BRIP1: variants seen among roughly 807,000 people sequenced by gnomAD.
BRIP1 encodes the protein BRCA1 interacting DNA helicase 1, also known as Fanconi anemia group J protein.
Under a neutral mutation model 119.7 loss-of-function variants are expected in BRIP1, and 88 were observed. That is an observed-to-expected ratio of 0.74 (90% CI 0.62 to 0.88). The LOEUF (loss-of-function observed/expected upper bound fraction) is 0.88, where lower values mean the gene tolerates loss of function less well. Ranked by LOEUF, BRIP1 falls within the 40% of genes least tolerant of loss-of-function variation. The pLI is 0.00. For synonymous variants in BRIP1, 443 were observed against 496.5 expected, an observed-to-expected ratio of 0.89 and a Z score of 1.43; for missense variants, 1,259 against 1,455.4, an observed-to-expected ratio of 0.87 and a Z score of 2.20.
intron 3 of BRIP1, among the ~76,000 whole-genome samples, chr17:61,858,746 T>C (rs2078933390): frequency 6.6e-6 from 1 of 152,222 alleles, no homozygotes. Context: ...CATACATACA[T>C]ACATACACAT....
Position 61,823,757 on chromosome 17 carries a change from AACACACACAC to A in BRIP1, c.628-15010_628-15001del, listed in dbSNP as rs144749656. Among the ~76,000 whole-genome samples, 1,630 of 131,736 alleles carry A rather than the reference AACACACACAC, an allele frequency of 0.012. 35 individuals carry two copies. The highest frequency in any genetic ancestry group is 0.064 in the Admixed American group (800 of 12,552). The allele number at this position is 131,736 out of a possible 152,430, so 86.4% of individuals were successfully genotyped here. On this transcript the variant is annotated intron_variant, in intron 6 of 19. Coordinates refer to ENST00000259008, the MANE Select transcript of BRIP1 (RefSeq NM_032043.3). The surrounding 1 kb of genome is among the most constrained non-coding windows in gnomAD (Gnocchi z 4.8). Reference sequence around the variant, plus strand: ...GCTCAATGACCCCAAGCACACAATAAACACACACACACACACACACACACACACACACACA... The same window carrying A: ...GCTCAATGACCCCAAGCACACAATAAACACACACACACACACACACACACA...
At chr17:61,719,212 T>C (rs1017079812) in intron 16 of BRIP1, among the ~76,000 whole-genome samples, 1 of 143,684 alleles carries the variant, frequency 7.0e-6, no homozygotes, top group Non-Finnish European at 1.5e-5. Context: ...CTATTCTCAA[T>C]AACCAAGATA....
In BRIP1 at chr17:61,776,221, A is replaced by G; in HGVS notation, c.2097+180T>C. The G allele has an allele frequency of 3.0e-6, 2 of 675,294 alleles. No individual in the cohort carries two copies. Among genetic ancestry groups the G allele is most frequent in the Admixed American group, 5.8e-5 (2 of 34,594 alleles). The allele number at this position is 675,294 out of a possible 1,614,324, so 41.8% of individuals were successfully genotyped here. On this transcript the variant is annotated intron_variant, in intron 14 of 19. Transcript: ENST00000259008. The surrounding 1 kb of genome is among the most constrained non-coding windows in gnomAD (Gnocchi z 5.0). The stretch of plus-strand genomic sequence containing the variant: ...TTTTAAGTAAAACAGAGGTAGGACA[A>G]TCAGGCAGTATCTTAATCAAAAAAT...
intron 6 of BRIP1, among the ~76,000 whole-genome samples, chr17:61,829,940 CT>C (rs1170195613): frequency 7.4e-6 from 1 of 135,946 alleles, no homozygotes. Context: ...TTTTTTTTTT[CT>C]TTTTTTTTGA....
Position 61,834,299 on chromosome 17 carries a change from G to A in BRIP1, c.627+12802C>T, listed in dbSNP as rs2078537988. ...CATATATACTACATAACAAATATAT[G>A]TAATATATACTACAGTATCAACCCC... On this transcript the variant is annotated intron_variant, in intron 6 of 19. Coordinates refer to ENST00000259008, the MANE Select transcript of BRIP1 (RefSeq NM_032043.3). The surrounding 1 kb of genome is among the most constrained non-coding windows in gnomAD (Gnocchi z 4.4). Among the ~76,000 whole-genome samples the A allele has an allele frequency of 6.6e-6, 1 of 151,976 alleles. No individual in the cohort carries two copies.
chr17:61,799,240 G>GA lies in BRIP1; in HGVS notation c.1199_1200insT (p.Cys401LeufsTer21). 5 of 1,613,546 alleles carry GA rather than the reference G, an allele frequency of 3.1e-6. No homozygotes were observed. The highest frequency in any genetic ancestry group is 4.2e-6 in the Non-Finnish European group (5 of 1,179,646). ...TGTAACTTGCTGATTCCCGAGCACA[G>GA]TCCTCGATGTTATGAGCTTCATCTA... is the stretch of plus-strand genomic sequence containing the variant. On this transcript the variant is annotated frameshift_variant, in exon 9 of 20. Transcript: ENST00000259008. LOFTEE classifies it high-confidence loss of function. The surrounding 1 kb of genome is among the most constrained non-coding windows in gnomAD (Gnocchi z 5.1).
rs939764628 is a variant in BRIP1, at chr17:61,814,912, C to T, written c.628-6155G>A. Among the ~76,000 whole-genome samples the T allele has an allele frequency of 6.6e-6, 1 of 151,622 alleles. No homozygotes were observed. The highest frequency in any genetic ancestry group is 2.4e-5 in the African/African-American group (1 of 41,274). On this transcript the variant is annotated intron_variant, in intron 6 of 19. Transcript: ENST00000259008. This position sits in a 1 kb window ranked among gnomAD's most constrained non-coding sequence, Gnocchi z 4.9. The stretch of plus-strand genomic sequence containing the variant: ...GAATGACAGTTGTATGCATCGACAT[C>T]GATAAACATGAACAAGCAGTTGAAC...
At chr17:61,766,634 G>C (rs1423607014) in intron 14 of BRIP1, among the ~76,000 whole-genome samples, 3 of 152,114 alleles carry the variant, frequency 2.0e-5, no homozygotes, top group Admixed American at 6.6e-5. Context: ...ATTTAGTGCT[G>C]AACAATACTT....
Position 61,748,530 on chromosome 17 carries a change from C to A in BRIP1, c.2098-3939G>T, listed in dbSNP as rs1015990886. Among the ~76,000 whole-genome samples, 1 of 152,098 alleles carries A rather than the reference C, an allele frequency of 6.6e-6. No homozygotes were observed. The highest frequency in any genetic ancestry group is 1.5e-5 in the Non-Finnish European group (1 of 68,012). ...TAATCAAAACAATCTTGAGAAAGAACAACAAAGCTAGAGGCATCGTGCTTC... is the reference window on the plus strand; with the variant it reads ...TAATCAAAACAATCTTGAGAAAGAAAAACAAAGCTAGAGGCATCGTGCTTC... On this transcript the variant is annotated intron_variant, in intron 14 of 19. Transcript: ENST00000259008. The surrounding 1 kb of genome is among the most constrained non-coding windows in gnomAD (Gnocchi z 4.7).
chr17:61,756,332 G>A lies in BRIP1; in HGVS notation c.2098-11741C>T, dbSNP rs533031251. ...TAAAAACTAACTTAAAGGAAAGTAC[G>A]ATGACACAGAGCTGTCTCTCAGGTC... On this transcript the variant is annotated intron_variant, in intron 14 of 19. Coordinates refer to ENST00000259008, the MANE Select transcript of BRIP1 (RefSeq NM_032043.3). The surrounding 1 kb of genome is among the most constrained non-coding windows in gnomAD (Gnocchi z 4.3). 1.3e-5 allele frequency among the ~76,000 whole-genome samples: 2 copies of A among 152,218 alleles called. No individual in the cohort carries two copies. Among genetic ancestry groups the A allele is most frequent in the African/African-American group, 4.8e-5 (2 of 41,540 alleles).
intron 2 of BRIP1, 51 bp from the exon 3 acceptor site, chr17:61,859,958 G>T (rs753110491): frequency 1.4e-5 from 18 of 1,279,772 alleles, no homozygotes; most frequent in Non-Finnish European, 1.9e-5. Flanking sequence ...CTTTATAAAG[G>T]TCTCTCTCCA....
chr17:61,820,811 G>A (rs911596810), intron 6 of BRIP1, among the ~76,000 whole-genome samples: 1 of 152,020 alleles, frequency 6.6e-6, no homozygotes, highest in Non-Finnish European at 1.5e-5. Flanking sequence ...TTAGCCAGGC[G>A]TGGTGGCATG....
intron 6 of BRIP1, among the ~76,000 whole-genome samples, chr17:61,838,005 G>C (rs1330875664): frequency 6.6e-6 from 1 of 152,044 alleles, no homozygotes; most frequent in East Asian, 1.9e-4. Flanking sequence ...AACCTAAAAA[G>C]TTTAATGTCA....
At chr17:61,747,553 C>A (rs2077074550) in intron 14 of BRIP1, among the ~76,000 whole-genome samples, 1 of 151,636 alleles carries the variant, frequency 6.6e-6, no homozygotes, top group South Asian at 2.1e-4. Flanking sequence ...TAGTAATATA[C>A]AACCTACTAA....
rs907161963 is a variant in BRIP1 at position 61,735,755 on chromosome 17, C to A, written c.2379+7258G>T. 1.3e-5 allele frequency among the ~76,000 whole-genome samples: 2 copies of A among 151,586 alleles called. No individual in the cohort carries two copies. Among genetic ancestry groups the A allele is most frequent in the African/African-American group, 4.9e-5 (2 of 41,222 alleles). ...GGCCAAGGCTGCAGTGACCCATGAC[C>A]GCACCACTGCACTCTAGCCTGGGCA... On this transcript the variant is annotated intron_variant, in intron 16 of 19. Coordinates refer to ENST00000259008, the MANE Select transcript of BRIP1 (RefSeq NM_032043.3). This position sits in a 1 kb window ranked among gnomAD's most constrained non-coding sequence, Gnocchi z 4.4.
rs1173645408 is a variant in BRIP1 at position 61,705,610 on chromosome 17, T to C, written c.2492+10341A>G. On this transcript the variant is annotated intron_variant, in intron 17 of 19. Coordinates refer to ENST00000259008, the MANE Select transcript of BRIP1 (RefSeq NM_032043.3). The surrounding 1 kb of genome is among the most constrained non-coding windows in gnomAD (Gnocchi z 5.0). ...CCTGTTTGCCTCACATTTATTTAGC[T>C]CTTCTTTTTCTAGCTTCATAAGGTA... 6.6e-6 allele frequency among the ~76,000 whole-genome samples: 1 copy of C among 152,186 alleles called. No homozygotes were observed. Among genetic ancestry groups the C allele is most frequent in the Non-Finnish European group, 1.5e-5 (1 of 68,030 alleles).
chr17:61,744,679 A>G lies in BRIP1; in HGVS notation c.2098-88T>C, dbSNP rs900745598. 2.7e-5 allele frequency: 31 copies of G among 1,132,382 alleles called. No individual in the cohort carries two copies. The Admixed American group carries it at 4.6e-4, about 17-fold the overall frequency. The allele number at this position is 1,132,382 out of a possible 1,614,324, so 70.1% of individuals were successfully genotyped here. ...TGTTTAAGCCAATGTGACTACGGCAAGTATATTAATCTCTCTGTGTCTTTT... is the reference window on the plus strand; with the variant it reads ...TGTTTAAGCCAATGTGACTACGGCAGGTATATTAATCTCTCTGTGTCTTTT... On this transcript the variant is annotated intron_variant, in intron 14 of 19. Coordinates refer to ENST00000259008, the MANE Select transcript of BRIP1 (RefSeq NM_032043.3). The surrounding 1 kb of genome is among the most constrained non-coding windows in gnomAD (Gnocchi z 5.0).
chr17:61,837,411 G>A (rs1385281723), intron 6 of BRIP1, among the ~76,000 whole-genome samples: 2 of 152,142 alleles, frequency 1.3e-5, no homozygotes, highest in African/African-American at 2.4e-5. Flanking sequence ...GGTCAACAGC[G>A]CACTCTGCTG....
At position 61,757,191 on chromosome 17, in the gene BRIP1, C is replaced by T. The variant is rs2077211898; in HGVS notation, c.2098-12600G>A. Among the ~76,000 whole-genome samples, 1 of 152,106 alleles carries T rather than the reference C, an allele frequency of 6.6e-6. No individual in the cohort carries two copies. The highest frequency in any genetic ancestry group is 2.4e-5 in the African/African-American group (1 of 41,418). On this transcript the variant is annotated intron_variant, in intron 14 of 19. Coordinates refer to ENST00000259008, the MANE Select transcript of BRIP1 (RefSeq NM_032043.3). The surrounding 1 kb of genome is among the most constrained non-coding windows in gnomAD (Gnocchi z 4.3). ...GTTTTTTAAATAACTTTTTTAGTTACAGTAAAAATGAATGTCCTTAATTTT... is the reference window on the plus strand; with the variant it reads ...GTTTTTTAAATAACTTTTTTAGTTATAGTAAAAATGAATGTCCTTAATTTT...
Sources: allele counts gnomAD v4.1 joint callset (sites outside exome capture counted in the v4.1 genomes callset), GRCh38; gene constraint gnomAD v4.1.1; non-coding constraint Gnocchi (gnomAD v3.1); transcripts MANE v1.5; gene names NCBI Gene and HGNC (gene_info 2026-07-23, HGNC 2026-07-21).